The following SORL1 variants were observed in gnomAD, a reference collection of about 807,000 sequenced individuals.
The protein encoded by SORL1 is sortilin related receptor 1.
A neutral mutation model predicts 273.7 loss-of-function variants in SORL1; 127 were observed. The observed-to-expected ratio is 0.46, with a 90% CI of 0.40 to 0.54. The LOEUF is 0.54. SORL1 is among the 20% of genes least tolerant of loss of function. The probability of loss-of-function intolerance (pLI) is 0.00; values close to 1 mark genes in which losing one functional copy is unlikely to be tolerated. For synonymous variants in SORL1, 1,031 were observed against 1,067.4 expected, an observed-to-expected ratio of 0.97 and a Z score of 0.66; for missense variants, 2,494 against 2,846.1, an observed-to-expected ratio of 0.88 and a Z score of 2.81.
chr11:121,461,127 G>C (rs1250004554), intron 1 of SORL1, among the ~76,000 whole-genome samples: 1 of 151,600 alleles, frequency 6.6e-6, no homozygotes, highest in Admixed American at 6.6e-5. Flanking sequence ...CTGTACCTAT[G>C]ACTTACCTCA....
At chr11:121,558,171 C>A (rs545293092) in intron 19 of SORL1, among the ~76,000 whole-genome samples, 2 of 152,168 alleles carry the variant, frequency 1.3e-5, no homozygotes, top group Admixed American at 6.5e-5. Context: ...CACACATGCA[C>A]GCCAAATAGG....
chr11:121,472,689 G>A (rs564703001), intron 2 of SORL1, among the ~76,000 whole-genome samples: 4 of 152,280 alleles, frequency 2.6e-5, no homozygotes, highest in African/African-American at 9.6e-5. Context: ...CATGTGAAGT[G>A]GGATACACTA....
rs188253080 is a variant in SORL1 at position 121,624,969 on chromosome 11, C to T, written c.6172-116C>T. ...AAAAAGAACAAGGAGAAACCCAGGG[C>T]GCTTTCGCGTCTGTAGCAGCCCACA... On this transcript the variant is annotated intron_variant, in intron 45 of 47. Coordinates refer to ENST00000260197, the MANE Select transcript of SORL1 (RefSeq NM_003105.6). The T allele has an allele frequency of 3.7e-5, 25 of 673,278 alleles. No individual in the cohort carries two copies. The East Asian group carries it at 4.4e-4, about 12-fold the overall frequency. The allele number at this position is 673,278 out of a possible 1,614,324, so 41.7% of individuals were successfully genotyped here. A position where few individuals can be genotyped will look rare whatever the true frequency, so the allele number is the denominator to read the frequency against.
chr11:121,521,267 G>A (rs939713719), intron 9 of SORL1, among the ~76,000 whole-genome samples: 1 of 151,980 alleles, frequency 6.6e-6, no homozygotes, highest in Admixed American at 6.6e-5. Flanking sequence ...TCTCTATTTG[G>A]CAATGGGTCT....
intron 28 of SORL1, 126 bp downstream of exon 28, chr11:121,588,277 C>T: frequency 1.0e-5 from 11 of 1,049,958 alleles, no homozygotes; most frequent in Non-Finnish European, 1.5e-5. Flanking sequence ...GAGGGTTTGA[C>T]CACCCTGGAG....
Position 121,617,446 on chromosome 11 carries a change from G to A in SORL1, c.5605-1328G>A, listed in dbSNP as rs374694578. Among the ~76,000 whole-genome samples the A allele has an allele frequency of 2.9e-4, 44 of 152,304 alleles. 1 individual carries two copies. In the East Asian group the frequency reaches 6.7e-3, roughly 23 times the overall value. On this transcript the variant is annotated intron_variant, in intron 41 of 47. Transcript: ENST00000260197. ...CCCATCTGATGAGAATTTATGGTTT[G>A]TAGGACATGACTCCCCAGACCCCTT...
At chr11:121,557,512 G>A (rs925157012) in intron 19 of SORL1, 107 bp downstream of exon 19, 7 of 854,588 alleles carry the variant, frequency 8.2e-6, no homozygotes, top group African/African-American at 6.7e-5. Context: ...CATGATGGTG[G>A]TTGAAATGGT....
chr11:121,490,385 T>G (rs1591297827), intron 5 of SORL1, among the ~76,000 whole-genome samples: 1 of 151,570 alleles, frequency 6.6e-6, no homozygotes, highest in Non-Finnish European at 1.5e-5. Context: ...GGCCCTTGCA[T>G]GTTTGTAGAG....
chr11:121,547,682 G>T (rs907075681), intron 14 of SORL1, among the ~76,000 whole-genome samples: 2 of 151,916 alleles, frequency 1.3e-5, no homozygotes, highest in Non-Finnish European at 2.9e-5. Context: ...AATGGTAAGG[G>T]GTATATGGAT....
intron 20 of SORL1, 46 bp downstream of exon 20, chr11:121,558,883 G>A: frequency 6.2e-7 from 1 of 1,605,610 alleles, no homozygotes. Context: ...AGCGGGTGAG[G>A]AGCATATGAG....
intron 33 of SORL1, among the ~76,000 whole-genome samples, chr11:121,604,874 G>T: frequency 6.6e-6 from 1 of 152,054 alleles, no homozygotes; most frequent in African/African-American, 2.4e-5. Context: ...TCTAGATCAT[G>T]GTAGTTCTGT....
chr11:121,621,156 C>A lies in SORL1; in HGVS notation c.5982C>A (p.Asn1994Lys), dbSNP rs749849531. Reference protein sequence around the residue: ...SRNSTVEYTLNKLEPGGKYHI... With the variant: ...SRNSTVEYTLKKLEPGGKYHI... ...ACAGCACTGTGGAATACACCCTTAA[C>A]AAGTTGGAGCCTGGCGGGAAATACC... The change falls in exon 44 of 48, where the codon AAC (asparagine) becomes AAA (lysine). Residue 1994 changes from asparagine to lysine, a missense_variant. Physicochemically the swap from Asn to Lys is moderately conservative, Grantham distance 94 (BLOSUM62 0). Around this residue, in one of 3 missense-constraint regions of SORL1, gnomAD observed 1,609 missense variants for 1,816.4 expected, o/e 0.89. Coordinates refer to ENST00000260197, the MANE Select transcript of SORL1 (RefSeq NM_003105.6). 1 of 1,614,102 alleles carries A rather than the reference C, an allele frequency of 6.2e-7. No individual in the cohort carries two copies. The highest frequency in any genetic ancestry group is 2.2e-5 in the East Asian group (1 of 44,880).
rs199646045 is a variant in SORL1, at chr11:121,629,536, A to G, written c.6618A>G (p.Ser2206=). Residue 2206 remains serine (S), a synonymous_variant, in exon 48 of 48, where the codon TCA becomes TCG. Coordinates refer to ENST00000260197, the MANE Select transcript of SORL1 (RefSeq NM_003105.6). Reference sequence around the variant, plus strand: ...ATGCCCCTATGATAACTGGATTTTCAGATGACGTCCCCATGGTGATAGCCT... The same window carrying G: ...ATGCCCCTATGATAACTGGATTTTCGGATGACGTCCCCATGGTGATAGCCT... ...DEDAPMITGF[S]DDVPMVIA The G allele has an allele frequency of 1.9e-6, 3 of 1,580,964 alleles. No individual in the cohort carries two copies. The East Asian group carries it at 6.7e-5, about 35-fold the overall frequency.
chr11:121,455,534 C>T (rs914241226), intron 1 of SORL1, among the ~76,000 whole-genome samples: 3 of 152,222 alleles, frequency 2.0e-5, no homozygotes, highest in African/African-American at 7.2e-5. Context: ...GGTCCTTTTT[C>T]CTCTGCTTCG....
intron 6 of SORL1, among the ~76,000 whole-genome samples, chr11:121,506,304 C>T (rs1861785447): frequency 6.6e-6 from 1 of 152,070 alleles, no homozygotes; most frequent in Non-Finnish European, 1.5e-5. Context: ...AGTCCGTTTT[C>T]ATGCTGCTGA....
chr11:121,497,012 A>G lies in SORL1; in HGVS notation c.902A>G (p.Gln301Arg). 4.3e-6 allele frequency: 7 copies of G among 1,614,132 alleles called. No individual in the cohort carries two copies. Among genetic ancestry groups the G allele is most frequent in the Non-Finnish European group, 5.9e-6 (7 of 1,180,020 alleles). Residue 301 changes from glutamine (Q) to arginine (R), a missense_variant, in exon 6 of 48, where the codon CAG becomes CGG. Gln to Arg is a conservative substitution (Grantham distance 43). This residue lies in a region of SORL1 where 710 missense variants were observed against 882.5 expected (regional missense o/e 0.80). Coordinates refer to ENST00000260197, the MANE Select transcript of SORL1 (RefSeq NM_003105.6). ...ATCCTTGAGGAAGTGAGAGATTTTC[A>G]GCTTCGGGACAAGTACATGTTTGCT... ...EVILEEVRDF[Q>R]LRDKYMFATK...
chr11:121,583,722 A>G (rs761489649), intron 26 of SORL1, 139 bp downstream of exon 26: 6 of 849,814 alleles, frequency 7.1e-6, no homozygotes, highest in Non-Finnish European at 1.0e-5. Flanking sequence ...AAGCCCATCT[A>G]CTTTCTATGT....
chr11:121,550,524 G>T lies in SORL1; in HGVS notation c.2181-61G>T, dbSNP rs1041497452. On this transcript the variant is annotated intron_variant, in intron 15 of 47. Transcript: ENST00000260197. The surrounding 1 kb of genome is among the most constrained non-coding windows in gnomAD (Gnocchi z 5.3). ...TGGGTAGTAAGTGTATTCCCAGCTG[G>T]GATGCCTTTGTGGCTATTCTTCCAT... 85 of 1,428,992 alleles carry T rather than the reference G, an allele frequency of 5.9e-5. No homozygotes were observed. Among genetic ancestry groups the T allele is most frequent in the Non-Finnish European group, 7.8e-5 (79 of 1,012,614 alleles). The allele number at this position is 1,428,992 out of a possible 1,614,324, so 88.5% of individuals were successfully genotyped here.
chr11:121,596,585 G>A lies in SORL1; in HGVS notation c.4519+813G>A, dbSNP rs970951296. ...CGGTTGGGTGCTGCTCTGGCTCGGG[G>A]ATCCCTGCTTTGCGGGCCTCCCCTC... is the stretch of plus-strand genomic sequence containing the variant. On this transcript the variant is annotated intron_variant, in intron 32 of 47. Transcript: ENST00000260197. The surrounding 1 kb of genome is among the most constrained non-coding windows in gnomAD (Gnocchi z 4.3). Among the ~76,000 whole-genome samples, 3 of 152,194 alleles carry A rather than the reference G, an allele frequency of 2.0e-5. No individual in the cohort carries two copies. In the East Asian group the frequency reaches 5.8e-4, roughly 29 times the overall value.
Sources: allele counts gnomAD v4.1 joint callset (sites outside exome capture counted in the v4.1 genomes callset), GRCh38; gene constraint gnomAD v4.1.1; regional missense constraint gnomAD v4.1.1; non-coding constraint Gnocchi (gnomAD v3.1); transcripts MANE v1.5; gene names NCBI Gene and HGNC (gene_info 2026-07-23, HGNC 2026-07-21).